MYO18A: variants seen among roughly 807,000 people sequenced by gnomAD.
MYO18A encodes the protein unconventional myosin-XVIIIa.
A neutral mutation model predicts 235.8 loss-of-function variants in MYO18A; 78 were observed. The observed-to-expected ratio is 0.33, with a 90% CI of 0.28 to 0.40. MYO18A has a LOEUF of 0.40. MYO18A is among the 10% of genes least tolerant of loss of function. The probability of loss-of-function intolerance (pLI) is 1.00; values close to 1 mark genes in which losing one functional copy is unlikely to be tolerated. For synonymous variants in MYO18A, 977 were observed against 1,077.8 expected (o/e 0.91, Z 1.83); for missense variants, 2,215 against 2,699.3 (o/e 0.82, Z 3.98).
intron 2 of MYO18A, among the ~76,000 whole-genome samples, chr17:29,138,296 C>G (rs1240633476): frequency 1.3e-5 from 2 of 152,062 alleles, no homozygotes; most frequent in Non-Finnish European, 2.9e-5. Flanking sequence ...CCAAAGGAAG[C>G]TGAGACGTAG....
chr17:29,073,546 A>G lies in MYO18A; in HGVS notation c.*1224T>C. ...CAGGAGGAAAAGGGCCTTTATTTCC[A>G]TACATCGGGTAAACAGGGGAGAGCA... On this transcript the variant is annotated 3_prime_UTR_variant, in exon 42 of 42. Transcript: ENST00000527372. The G allele has an allele frequency of 3.7e-6, 1 of 271,502 alleles. No homozygotes were observed. Among genetic ancestry groups the G allele is most frequent in the Non-Finnish European group, 6.9e-6 (1 of 144,462 alleles). The allele number at this position is 271,502 out of a possible 1,614,324, so 16.8% of individuals were successfully genotyped here. A position where few individuals can be genotyped will look rare whatever the true frequency, so the allele number is the denominator to read the frequency against.
intron 2 of MYO18A, among the ~76,000 whole-genome samples, chr17:29,156,018 C>A (rs574040431): frequency 7.4e-4 from 113 of 152,292 alleles, no homozygotes; most frequent in East Asian, 2.3e-3. Flanking sequence ...TGAGCCTGGG[C>A]CCCAGGAGCA....
rs573142237 is a variant in MYO18A at position 29,087,227 on chromosome 17, G to A, written c.5527-106C>T. 16 of 1,196,698 alleles carry A rather than the reference G, an allele frequency of 1.3e-5. No homozygotes were observed. The African/African-American group carries it at 2.4e-4, about 18-fold the overall frequency. The allele number at this position is 1,196,698 out of a possible 1,614,324, so 74.1% of individuals were successfully genotyped here. On this transcript the variant is annotated intron_variant, in intron 37 of 41. Coordinates refer to ENST00000527372, the MANE Select transcript of MYO18A (RefSeq NM_078471.4). ...TGAGGAGGCCTGGGGTCGAGCTCTGGCTCCACCGTTCATTGGCTACCTGGG... is the reference window on the plus strand; with the variant it reads ...TGAGGAGGCCTGGGGTCGAGCTCTGACTCCACCGTTCATTGGCTACCTGGG...
intron 2 of MYO18A, among the ~76,000 whole-genome samples, chr17:29,129,697 G>A (rs2152890281): frequency 6.6e-6 from 1 of 152,344 alleles, no homozygotes; most frequent in South Asian, 2.1e-4. Context: ...TTGCTTGGAT[G>A]CAGGAAGACG....
Position 29,093,019 on chromosome 17 carries a change from G to A in MYO18A, c.4927-18C>T, listed in dbSNP as rs1260089952. 1 of 1,611,088 alleles carries A rather than the reference G, an allele frequency of 6.2e-7. No homozygotes were observed. Among genetic ancestry groups the A allele is most frequent in the East Asian group, 2.2e-5 (1 of 44,850 alleles). On this transcript the variant is annotated intron_variant, in intron 32 of 41. Transcript: ENST00000527372. ...CGGTTCACCTGGGTGGGCACCAGCA[G>A]TTGGGGTTCTGGGCTCTGCACAGGG...
chr17:29,103,695 G>T (rs200341130), intron 20 of MYO18A, 31 bp from the exon 21 acceptor site: 5 of 1,609,792 alleles, frequency 3.1e-6, no homozygotes, highest in Non-Finnish European at 4.2e-6. Context: ...CAGGCAGCCC[G>T]CCTGGGCCTC....
Position 29,166,765 on chromosome 17 carries a change from C to A in MYO18A, c.176G>T (p.Arg59Leu). ...NRSSKRESKT[R>L]LEISNPIPIK... The stretch of plus-strand genomic sequence containing the variant: ...GGGGATGGGGTTGGAGATTTCCAGG[C>A]GCGTCTTGGATTCACGCTTGGAGGA... Residue 59 changes from arginine to leucine, a missense_variant, in exon 2 of 42, where the codon CGC becomes CTC. Physicochemically the swap from Arg to Leu is moderately radical, Grantham distance 102. Transcript: ENST00000527372. The A allele has an allele frequency of 6.2e-7, 1 of 1,613,544 alleles. No homozygotes were observed. Among genetic ancestry groups the A allele is most frequent in the Non-Finnish European group, 8.5e-7 (1 of 1,179,774 alleles).
chr17:29,121,068 G>A lies in MYO18A; in HGVS notation c.1515C>T (p.Thr505=), dbSNP rs2067186918. ...ACTGCACCAGATGCTGGCAGCTGGT[G>A]GTCTTGCCACTGCCACTACTGCCCA... is the stretch of plus-strand genomic sequence containing the variant. The part of the protein sequence containing the change: ...ILLGSSGSGK[T]TSCQHLVQYL... Residue 505 remains threonine (T), a synonymous_variant, in exon 6 of 42, where the codon ACC becomes ACT. Coordinates refer to ENST00000527372, the MANE Select transcript of MYO18A (RefSeq NM_078471.4). The surrounding 1 kb of genome is among the most constrained non-coding windows in gnomAD (Gnocchi z 4.2). 1.9e-6 allele frequency: 3 copies of A among 1,612,896 alleles called. No homozygotes were observed. Among genetic ancestry groups the A allele is most frequent in the East Asian group, 2.2e-5 (1 of 44,832 alleles).
chr17:29,100,751 G>C (rs116295423), intron 21 of MYO18A, among the ~76,000 whole-genome samples: 21 of 152,316 alleles, frequency 1.4e-4, no homozygotes, highest in African/African-American at 5.1e-4. Flanking sequence ...AACATCATGG[G>C]AAACACAGGT....
chr17:29,176,103 T>C (rs1199329812), intron 1 of MYO18A, among the ~76,000 whole-genome samples: 1 of 152,096 alleles, frequency 6.6e-6, no homozygotes, highest in Non-Finnish European at 1.5e-5. Flanking sequence ...AATTTATCAG[T>C]GGTCATCTCT....
chr17:29,081,041 G>T, intron 41 of MYO18A: 1 of 967,604 alleles, frequency 1.0e-6, no homozygotes, highest in Non-Finnish European at 1.2e-6. Flanking sequence ...AGAACCAGAC[G>T]TGGATGAGGG....
At chr17:29,179,282 G>GC (rs1428840368) in intron 1 of MYO18A, among the ~76,000 whole-genome samples, 1 of 126,318 alleles carries the variant, frequency 7.9e-6, no homozygotes, top group Non-Finnish European at 1.6e-5. Flanking sequence ...CCCACCTCTA[G>GC]CTCATTCTGG....
intron 24 of MYO18A, 60 bp from the exon 25 acceptor site, chr17:29,098,284 ACCT>A: frequency 6.2e-7 from 1 of 1,611,950 alleles, no homozygotes; most frequent in South Asian, 1.1e-5. Context: ...CAGCCAGAAC[ACCT>A]GGGGGACCTG....
In MYO18A at chr17:29,120,922, G is replaced by A. The variant is rs2067182144; in HGVS notation, c.1585+76C>T. The A allele has an allele frequency of 1.9e-6, 3 of 1,559,690 alleles. No homozygotes were observed. The highest frequency in any genetic ancestry group is 2.6e-6 in the Non-Finnish European group (3 of 1,147,242). On this transcript the variant is annotated intron_variant, in intron 6 of 41. Transcript: ENST00000527372. This position sits in a 1 kb window ranked among gnomAD's most constrained non-coding sequence, Gnocchi z 4.2. ...GAAAGGCCAGGGAGAAAAAGAGCTG[G>A]CACTTAAGAGGGTGCTCTCTCCTCA...
Position 29,140,691 on chromosome 17 carries a change from T to C in MYO18A, c.1000-18438A>G, listed in dbSNP as rs1490497700. The stretch of plus-strand genomic sequence containing the variant: ...ACACACACCCCAGCTCCGGGACAGC[T>C]GGGCTGATATGGCTCCTAAAAATAG... On this transcript the variant is annotated intron_variant, in intron 2 of 41. Coordinates refer to ENST00000527372, the MANE Select transcript of MYO18A (RefSeq NM_078471.4). The surrounding 1 kb of genome is among the most constrained non-coding windows in gnomAD (Gnocchi z 4.2). Among the ~76,000 whole-genome samples the C allele has an allele frequency of 6.6e-6, 1 of 151,988 alleles. No homozygotes were observed.
At chr17:29,130,319 A>AAAAAG (rs1567618710) in intron 2 of MYO18A, among the ~76,000 whole-genome samples, 22 of 151,006 alleles carry the variant, frequency 1.5e-4, no homozygotes, top group African/African-American at 5.1e-4. Context: ...AAAAAAAAAA[A>AAAAAG]AAAAGAAAAG....
intron 2 of MYO18A, chr17:29,124,733 T>G: frequency 8.0e-7 from 1 of 1,257,440 alleles, no homozygotes; most frequent in Non-Finnish European, 1.0e-6. Context: ...AGGGTGAAGA[T>G]AAGCAGACCA....
rs779358285 is a variant in MYO18A at position 29,073,606 on chromosome 17, A to AG, written c.*1163dup. On this transcript the variant is annotated 3_prime_UTR_variant, in exon 42 of 42. Coordinates refer to ENST00000527372, the MANE Select transcript of MYO18A (RefSeq NM_078471.4). ...GAGTACAAACCAATTGCAGGAGAGA[A>AG]GGGGGGCGGCAGATGGGAGCAGCAC... 24 of 447,510 alleles carry AG rather than the reference A, an allele frequency of 5.4e-5. No individual in the cohort carries two copies. Among genetic ancestry groups the AG allele is most frequent in the Non-Finnish European group, 8.4e-5 (21 of 251,266 alleles). 27.7% of individuals were successfully genotyped at this position (447,510 alleles called of 1,614,324 possible). A position where few individuals can be genotyped will look rare whatever the true frequency, so the allele number is the denominator to read the frequency against.
intron 2 of MYO18A, chr17:29,155,452 G>A (rs984945664): frequency 6.6e-6 from 1 of 152,306 alleles, no homozygotes; most frequent in Non-Finnish European, 1.5e-5. Context: ...CTTGCCCCAG[G>A]GCCTGGCAGT....
Sources: gnomAD v4.1 joint callset for allele counts (sites outside exome capture counted in the v4.1 genomes callset) on GRCh38, gnomAD v4.1.1 for gene constraint, Gnocchi (gnomAD v3.1) non-coding constraint, MANE v1.5 for transcripts, NCBI Gene and HGNC (gene_info 2026-07-23, HGNC 2026-07-21) for gene names.